ANK2: variants seen among roughly 807,000 people sequenced by gnomAD.
ANK2 encodes the protein ankyrin-2.
A neutral mutation model predicts 360.5 loss-of-function variants in ANK2; 83 were observed. The observed-to-expected ratio is 0.23, with a 90% CI of 0.19 to 0.28. The LOEUF (loss-of-function observed/expected upper bound fraction) is 0.28, where lower values mean the gene tolerates loss of function less well. Ranked by LOEUF, ANK2 falls within the 10% of genes least tolerant of loss-of-function variation. The pLI, the probability that ANK2 is intolerant of heterozygous loss-of-function variation, is 1.00. For synonymous variants in ANK2, 1,740 were observed against 1,759.5 expected (o/e 0.99, Z 0.28); for missense variants, 4,201 against 4,795.7 (o/e 0.88, Z 3.66).
chr4:113,017,650 G>A (rs879336795), intron 2 of ANK2, among the ~76,000 whole-genome samples: 3 of 152,148 alleles, frequency 2.0e-5, no homozygotes, highest in Non-Finnish European at 2.9e-5. Flanking sequence ...TCATTCACAC[G>A]CAGAATTTTG....
At chr4:113,295,420 AAAG>A (rs1172361866) in intron 22 of ANK2, among the ~76,000 whole-genome samples, 4 of 152,166 alleles carry the variant, frequency 2.6e-5, no homozygotes, top group Admixed American at 2.0e-4. Context: ...CTATATTTAA[AAAG>A]AAGAGCAAAT....
chr4:112,821,634 C>G (rs2057074979), intron 1 of ANK2, among the ~76,000 whole-genome samples: 1 of 151,172 alleles, frequency 6.6e-6, no homozygotes, highest in African/African-American at 2.4e-5. Flanking sequence ...TCTTGAGTAA[C>G]TGGGATTATA....
chr4:112,951,919 C>T (rs1359081944), intron 2 of ANK2, among the ~76,000 whole-genome samples: 2 of 152,192 alleles, frequency 1.3e-5, no homozygotes, highest in Non-Finnish European at 2.9e-5. Flanking sequence ...TGCAGTTCAA[C>T]CATGATTTGA....
At chr4:113,259,824 TTTAA>T in intron 13 of ANK2, among the ~76,000 whole-genome samples, 1 of 151,064 alleles carries the variant, frequency 6.6e-6, no homozygotes, top group Middle Eastern at 3.4e-3. Context: ...TTTTTTTTTT[TTTAA>T]TTGAGACCTG....
intron 1 of ANK2, chr4:113,117,232 A>G: frequency 2.2e-6 from 1 of 450,982 alleles, no homozygotes; most frequent in Non-Finnish European, 4.4e-6. Flanking sequence ...AATCACCTGG[A>G]TTGCTGGGGA....
intron 7 of ANK2, among the ~76,000 whole-genome samples, chr4:113,240,189 A>T (rs1469828778): frequency 2.6e-5 from 4 of 152,196 alleles, no homozygotes; most frequent in African/African-American, 9.6e-5. Flanking sequence ...CAATATGCAA[A>T]ACCAACTTAA....
At chr4:112,721,343 C>A in the ANK2 span, among the ~76,000 whole-genome samples, 5 of 151,980 alleles carry the variant, frequency 3.3e-5, no homozygotes, top group Non-Finnish European at 5.9e-5. Flanking sequence ...AGTTCAAGAC[C>A]AGCCTAGCCA....
intron 2 of ANK2, among the ~76,000 whole-genome samples, chr4:112,962,216 C>T (rs150189113): frequency 6.6e-6 from 1 of 152,076 alleles, no homozygotes; most frequent in East Asian, 1.9e-4. Context: ...CTCTAGTAGT[C>T]TGCAGTGTCT....
At chr4:113,336,530 T>G (rs1194939716) in intron 30 of ANK2, 47 bp from the exon 31 acceptor site, 1 of 1,453,586 alleles carries the variant, frequency 6.9e-7, no homozygotes, top group African/African-American at 1.4e-5. Context: ...TTCTTTATTT[T>G]AAAATATATA....
At chr4:112,956,390 A>G (rs1180919290) in intron 2 of ANK2, among the ~76,000 whole-genome samples, 1 of 152,168 alleles carries the variant, frequency 6.6e-6, no homozygotes, top group Non-Finnish European at 1.5e-5. Flanking sequence ...TTTCACTTAA[A>G]GGAAGCACTC....
At chr4:113,133,333 G>C (rs1385754324) in intron 1 of ANK2, among the ~76,000 whole-genome samples, 1 of 152,136 alleles carries the variant, frequency 6.6e-6, no homozygotes, top group Non-Finnish European at 1.5e-5. Flanking sequence ...AGAGCATGTA[G>C]ACTCTATACT....
At chr4:113,034,730 GGCTTA>G (rs1438641545) in intron 2 of ANK2, 3 of 151,894 alleles carry the variant, frequency 2.0e-5, no homozygotes, top group Non-Finnish European at 2.9e-5. Flanking sequence ...TCCACTTCCT[GGCTTA>G]GGCTACCATG....
intron 1 of ANK2, among the ~76,000 whole-genome samples, chr4:112,825,449 C>G (rs2058211287): frequency 6.6e-6 from 1 of 152,162 alleles, no homozygotes; most frequent in African/African-American, 2.4e-5. Flanking sequence ...ATAGTTAGAT[C>G]CCTTATCCCT....
intron 1 of ANK2, among the ~76,000 whole-genome samples, chr4:113,068,411 A>G (rs758083016): frequency 1.1e-4 from 16 of 152,166 alleles, no homozygotes; most frequent in Non-Finnish European, 2.1e-4. Context: ...GTACCATTGA[A>G]TATGTTGTGA....
At chr4:113,294,788 T>C (rs114384388) in intron 22 of ANK2, among the ~76,000 whole-genome samples, 1,565 of 152,310 alleles carry the variant, frequency 0.01, 22 homozygotes, top group African/African-American at 0.035. Context: ...CTTTGATAAA[T>C]TATATAGGAG....
intron 23 of ANK2, 36 bp from the exon 24 acceptor site, chr4:113,311,219 A>G (rs1408134454): frequency 1.9e-6 from 3 of 1,613,714 alleles, no homozygotes; most frequent in South Asian, 1.1e-5. Context: ...ATTACATTCA[A>G]GAAATAATCC....
chr4:112,993,735 C>T (rs2047640411), intron 2 of ANK2, among the ~76,000 whole-genome samples: 2 of 150,622 alleles, frequency 1.3e-5, no homozygotes, highest in African/African-American at 4.9e-5. Flanking sequence ...GACACAGGGA[C>T]TCACTCTGTC....
At chr4:113,236,910 A>G in intron 5 of ANK2, 77 bp from the exon 6 acceptor site, 1 of 1,393,638 alleles carries the variant, frequency 7.2e-7, no homozygotes, top group South Asian at 1.2e-5. Context: ...ATTAAAGATT[A>G]GAGGCATCAT....
chr4:113,066,989 A>G (rs2075854802), intron 1 of ANK2, among the ~76,000 whole-genome samples: 1 of 151,942 alleles, frequency 6.6e-6, no homozygotes, highest in Non-Finnish European at 1.5e-5. Flanking sequence ...TAGTTTGTGA[A>G]GTGAAAAACA....
Sources: gnomAD v4.1 joint callset for allele counts (sites outside exome capture counted in the v4.1 genomes callset) on GRCh38, gnomAD v4.1.1 for gene constraint, MANE v1.5 for transcripts, NCBI Gene and HGNC (gene_info 2026-07-23, HGNC 2026-07-21) for gene names.